CACNA1F: variants seen among roughly 807,000 people sequenced by gnomAD.
CACNA1F encodes calcium voltage-gated channel subunit alpha1 F.
CACNA1F carries 59 observed loss-of-function variants against 143.8 expected under a neutral mutation model. The ratio of observed to expected loss-of-function variants is 0.41; its 90% CI spans 0.33 to 0.51. CACNA1F has a LOEUF of 0.51. CACNA1F is among the 20% of genes least tolerant of loss of function. The pLI is 0.22. For missense variants in CACNA1F, 1,411 were observed against 1,647.5 expected, an observed-to-expected ratio of 0.86 and a Z score of 2.48; for synonymous variants, 643 against 649.1, an observed-to-expected ratio of 0.99 and a Z score of 0.14.
At chrX:49,207,757 A>T (rs73209779) in intron 43 of CACNA1F, among the ~76,000 whole-genome samples, 4,583 of 109,658 alleles carry the variant, frequency 0.042, 87 homozygotes, top group Non-Finnish European at 0.062. Context: ...ATTTTTTTTT[A>T]AAATTTTTCT....
At chrX:49,223,203 GCCAGGGCAGGGCT>G in intron 14 of CACNA1F, 67 bp from the exon 15 acceptor site, 1 of 728,828 alleles carries the variant, frequency 1.4e-6, no homozygotes. Context: ...AGCATCAGGA[GCCAGGGCAGGGCT>G]CCAGCTTGAG....
At chrX:49,222,627 G>A in intron 16 of CACNA1F, 24 bp from the exon 17 acceptor site, 1 of 1,204,777 alleles carries the variant, frequency 8.3e-7, no homozygotes, top group South Asian at 1.8e-5. Context: ...AGGCTGCAAA[G>A]GATGGAGAAG....
At chrX:49,228,706 C>A (rs1277221113) in intron 6 of CACNA1F, among the ~76,000 whole-genome samples, 5 of 112,409 alleles carry the variant, frequency 4.4e-5, no homozygotes, top group African/African-American at 1.6e-4. Context: ...CTGGGATTAC[C>A]GGCGTGTGCC....
Position 49,230,838 on chromosome X carries a change from G to A in CACNA1F, c.521+12C>T, listed in dbSNP as rs2065870565. On this transcript the variant is annotated intron_variant, in intron 4 of 47. Coordinates refer to ENST00000323022, the MANE Select transcript of CACNA1F (RefSeq NM_001256789.3). ...AGGCGACTAGGGTGGGGTGCCTCCCGCAGACGCGCACCCGACCACGACGAT... is the reference window on the plus strand; with the variant it reads ...AGGCGACTAGGGTGGGGTGCCTCCCACAGACGCGCACCCGACCACGACGAT... 1.7e-6 allele frequency: 2 copies of A among 1,170,559 alleles called. No individual in the cohort carries two copies. Among genetic ancestry groups the A allele is most frequent in the Non-Finnish European group, 2.3e-6 (2 of 873,959 alleles).
Position 49,212,750 on chromosome X carries a change from A to G in CACNA1F, c.3859T>C (p.Phe1287Leu), listed in dbSNP as rs782078834. The change falls in exon 33 of 48, where the codon TTC becomes CTC. Residue 1287 changes from phenylalanine (F) to leucine (L), a missense_variant. This residue lies in a region of CACNA1F where 950 missense variants were observed against 1,128.1 expected (regional missense o/e 0.84). Transcript: ENST00000323022. ...AGCTTGACCAGCCGCATAACTCGGAAGAGGCGAAAGAAGGTAATGGAAATG... is the reference window on the plus strand; with the variant it reads ...AGCTTGACCAGCCGCATAACTCGGAGGAGGCGAAAGAAGGTAATGGAAATG... ...SRISITFFRL[F>L]RVMRLVKLLS... is the part of the protein sequence containing the mutation. 8.3e-7 allele frequency: 1 copy of G among 1,209,681 alleles called. No homozygotes were observed. The highest frequency in any genetic ancestry group is 3.0e-5 in the East Asian group (1 of 33,833).
At chrX:49,223,618 A>AAAAAAAAAAAAAG (rs1399389646) in intron 14 of CACNA1F, among the ~76,000 whole-genome samples, 1 of 100,586 alleles carries the variant, frequency 9.9e-6, no homozygotes, top group African/African-American at 4.0e-5. Context: ...AAAAAAAAAA[A>AAAAAAAAAAAAAG]AAGAAGAAGA....
chrX:49,222,428 T>G, intron 17 of CACNA1F, 94 bp downstream of exon 17: 1 of 651,631 alleles, frequency 1.5e-6, no homozygotes. Context: ...ATTACCAGGG[T>G]GACTAGAGGC....
chrX:49,221,997 A>G (rs1248043155), intron 17 of CACNA1F, among the ~76,000 whole-genome samples: 1 of 108,721 alleles, frequency 9.2e-6, no homozygotes, highest in Non-Finnish European at 1.9e-5. Flanking sequence ...ATAAAAAAAA[A>G]AAGTGCTAAG....
intron 13 of CACNA1F, 64 bp from the exon 14 acceptor site, chrX:49,225,050 A>T: frequency 1.3e-6 from 1 of 770,305 alleles, no homozygotes; most frequent in Non-Finnish European, 2.0e-6. Flanking sequence ...TGGGGAGGTA[A>T]CTAGGGACCA....
intron 37 of CACNA1F, 125 bp from the exon 38 acceptor site, chrX:49,210,811 G>T: frequency 1.2e-6 from 1 of 842,136 alleles, no homozygotes; most frequent in Non-Finnish European, 1.7e-6. Flanking sequence ...AGAACTGGAG[G>T]GCAGTCAGAG....
In CACNA1F at chrX:49,208,496, T is replaced by A; in HGVS notation, c.5123+19A>T. 2 of 1,086,399 alleles carry A rather than the reference T, an allele frequency of 1.8e-6. No homozygotes were observed. The highest frequency in any genetic ancestry group is 2.4e-6 in the Non-Finnish European group (2 of 816,336). 89.5% of individuals were successfully genotyped at this position (1,086,399 alleles called of 1,213,427 possible). A position where few individuals can be genotyped will look rare whatever the true frequency, so the allele number is the denominator to read the frequency against. On this transcript the variant is annotated intron_variant, in intron 43 of 47. Coordinates refer to ENST00000323022, the MANE Select transcript of CACNA1F (RefSeq NM_001256789.3). Reference sequence around the variant, plus strand: ...TCCTTGCCTTCCCTCACAATCTACTTCCAGACACTTGATAATACCTGTGGG... The same window carrying A: ...TCCTTGCCTTCCCTCACAATCTACTACCAGACACTTGATAATACCTGTGGG...
intron 32 of CACNA1F, 42 bp from the exon 33 acceptor site, chrX:49,212,837 C>T: frequency 8.3e-7 from 1 of 1,199,230 alleles, no homozygotes; most frequent in Non-Finnish European, 1.1e-6. Context: ...TTTGCATTTA[C>T]TCCAGCTATC....
In CACNA1F at chrX:49,224,860, C is replaced by A; in HGVS notation, c.1778G>T (p.Gly593Val). The A allele has an allele frequency of 8.3e-7, 1 of 1,199,640 alleles. No individual in the cohort carries two copies. Among genetic ancestry groups the A allele is most frequent in the Non-Finnish European group, 1.1e-6 (1 of 886,250 alleles). ...CTCCACCAAGGTGGTCTCTAGGATG[C>A]CCCCACAGACCACAAAGCAGTCAAA... ...NRFDCFVVCGGILETTLVEVG... is the reference protein window; with the variant it reads ...NRFDCFVVCGVILETTLVEVG... Residue 593 changes from glycine to valine, a missense_variant, in exon 14 of 48, where the codon GGC becomes GTC. By Grantham distance (109) the Gly-to-Val change is moderately radical. Around this residue, in one of 3 missense-constraint regions of CACNA1F, gnomAD observed 950 missense variants for 1,128.1 expected, o/e 0.84. Transcript: ENST00000323022.
Position 49,218,873 on chromosome X carries a change from A to G in CACNA1F, c.2733+9T>C. 1 of 1,195,467 alleles carries G rather than the reference A, an allele frequency of 8.4e-7. No homozygotes were observed. Among genetic ancestry groups the G allele is most frequent in the Non-Finnish European group, 1.1e-6 (1 of 882,096 alleles). ...CAACTGAGGGTAGGACTGGGGTCCC[A>G]TTAGTCACCTTTAGTAGAATCTCCA... On this transcript the variant is annotated intron_variant, in intron 22 of 47. Transcript: ENST00000323022.
Position 49,222,785 on chromosome X carries a change from A to G in CACNA1F, c.2139T>C (p.Tyr713=). 1 of 1,209,705 alleles carries G rather than the reference A, an allele frequency of 8.3e-7. No individual in the cohort carries two copies. The highest frequency in any genetic ancestry group is 1.1e-6 in the Non-Finnish European group (1 of 893,938). ...ACATTCCTGGGAAGAAGGGGCCACCATATGCCATGATACCATCATACATGA... is the reference window on the plus strand; with the variant it reads ...ACATTCCTGGGAAGAAGGGGCCACCGTATGCCATGATACCATCATACATGA... The part of the protein sequence containing the change: ...NVVMYDGIMA[Y]GGPFFPGMLV... The change falls in exon 16 of 48, where the codon TAT becomes TAC. Residue 713 remains tyrosine, a synonymous_variant. Coordinates refer to ENST00000323022, the MANE Select transcript of CACNA1F (RefSeq NM_001256789.3).
chrX:49,215,718 A>G (rs782811943), intron 27 of CACNA1F, among the ~76,000 whole-genome samples, 175 bp from the exon 28 acceptor site: 24 of 108,120 alleles, frequency 2.2e-4, no homozygotes, highest in Non-Finnish European at 4.4e-4. Flanking sequence ...ACTCTAAGAG[A>G]CCTCTACCAG....
chrX:49,216,085 C>A (rs1378278310), intron 27 of CACNA1F, among the ~76,000 whole-genome samples: 5 of 110,462 alleles, frequency 4.5e-5, no homozygotes, highest in African/African-American at 1.6e-4. Flanking sequence ...CTCTGTCCCC[C>A]CAAACCATCT....
chrX:49,212,372 C>A, intron 33 of CACNA1F, 64 bp from the exon 34 acceptor site: 1 of 911,617 alleles, frequency 1.1e-6, no homozygotes. Context: ...ACTATAAGCC[C>A]CAGAATGCAC....
At chrX:49,208,939 C>G in intron 42 of CACNA1F, 1 of 424,692 alleles carries the variant, frequency 2.4e-6, no homozygotes, top group African/African-American at 2.4e-5. Flanking sequence ...AATCCTCCTG[C>G]CTCAGCCTCC....
Sources: gnomAD v4.1 joint callset for allele counts (sites outside exome capture counted in the v4.1 genomes callset) on GRCh38, gnomAD v4.1.1 for gene constraint, gnomAD v4.1.1 regional missense constraint, MANE v1.5 for transcripts, NCBI Gene and HGNC (gene_info 2026-07-23, HGNC 2026-07-21) for gene names.